The following TMIGD3 variants were observed in gnomAD, a reference collection of about 807,000 sequenced individuals.
The protein encoded by TMIGD3 is transmembrane and immunoglobulin domain containing 3.
TMIGD3 carries 21 observed loss-of-function variants against 28.1 expected under a neutral mutation model. That is an observed-to-expected ratio of 0.75 (90% CI 0.53 to 1.08). TMIGD3 has a LOEUF of 1.08. Ranked by LOEUF, TMIGD3 falls within the 50% of genes least tolerant of loss-of-function variation. TMIGD3 has a pLI of 0.00. For missense variants in TMIGD3, 416 were observed against 435.6 expected (o/e 0.96, Z 0.40); for synonymous variants, 151 against 162.1 (o/e 0.93, Z 0.52).
chr1:111,524,047 T>TGGGG (rs371004556), intron 1 of TMIGD3, among the ~76,000 whole-genome samples: 12,777 of 130,268 alleles, frequency 0.098, 698 homozygotes, highest in Middle Eastern at 0.2. Context: ...TTTTTTTTTT[T>TGGGG]GGGATGGAAT....
At chr1:111,535,497 A>G (rs1656609672) in intron 1 of TMIGD3, among the ~76,000 whole-genome samples, 1 of 152,248 alleles carries the variant, frequency 6.6e-6, no homozygotes, top group Non-Finnish European at 1.5e-5. Flanking sequence ...GGGGTAGTCT[A>G]CAAAATTAAA....
In TMIGD3 at chr1:111,563,960, A is replaced by G. The variant is rs752841719; in HGVS notation, c.-8T>C. 6.2e-6 allele frequency: 10 copies of G among 1,607,888 alleles called. No individual in the cohort carries two copies. In the South Asian group the frequency reaches 1.1e-4, roughly 18 times the overall value. The stretch of plus-strand genomic sequence containing the variant: ...TGCTGGAGACCCTTCCATTGGTCCA[A>G]CTGGTGGTCTCTACCAACTGCCACA... On this transcript the variant is annotated 5_prime_UTR_variant, in exon 1 of 6. Coordinates refer to the TMIGD3 transcript ENST00000369717.
chr1:111,525,386 A>G (rs1051045115), intron 1 of TMIGD3, among the ~76,000 whole-genome samples: 1 of 152,194 alleles, frequency 6.6e-6, no homozygotes, highest in African/African-American at 2.4e-5. Flanking sequence ...ACTAGGTCCT[A>G]TTGATGAATT....
chr1:111,518,003 C>T (rs746929565), intron 1 of TMIGD3, among the ~76,000 whole-genome samples: 4 of 152,100 alleles, frequency 2.6e-5, no homozygotes, highest in Non-Finnish European at 4.4e-5. Context: ...TCATTTTGTA[C>T]CCATTTTATA....
At chr1:111,540,955 AC>A (rs1277323631) in intron 1 of TMIGD3, among the ~76,000 whole-genome samples, 2 of 152,244 alleles carry the variant, frequency 1.3e-5, no homozygotes, top group Non-Finnish European at 2.9e-5. Context: ...CTATGGAACG[AC>A]GGTTGGCAAA....
At chr1:111,504,692 T>C (rs536043019), upstream of TMIGD3, among the ~76,000 whole-genome samples, 442 of 152,300 alleles carry the variant, frequency 2.9e-3, no homozygotes, top group African/African-American at 9.9e-3. Context: ...GTAACAACAA[T>C]GGCGTTCTGG....
Position 111,483,740 on chromosome 1 carries a change from G to T in TMIGD3, c.991C>A (p.Pro331Thr). The change falls in exon 6 of 6, where the codon CCC becomes ACC. Residue 331 changes from proline to threonine, a missense_variant. Coordinates refer to ENST00000369716, the MANE Select transcript of TMIGD3 (RefSeq NM_020683.7). ...TTTGGAGTCAGGACACGCGAGAAGG[G>T]CTTCAAAGTGTTGCCTACTTTGTTG... Reference protein sequence around the residue: ...RNRRVGNTLKPFSRVLTPKEM... With the variant: ...RNRRVGNTLKTFSRVLTPKEM... 1.2e-6 allele frequency: 2 copies of T among 1,613,978 alleles called. No homozygotes were observed. Among genetic ancestry groups the T allele is most frequent in the Non-Finnish European group, 1.7e-6 (2 of 1,179,858 alleles).
intron 1 of TMIGD3, among the ~76,000 whole-genome samples, chr1:111,561,987 T>TA (rs1557850933): frequency 6.6e-6 from 1 of 152,078 alleles, no homozygotes. Context: ...AATTTCTGCT[T>TA]ACGATAGAAT....
rs1571393020 is a variant in TMIGD3, at chr1:111,483,519, C to T, written c.*168G>A. The T allele has an allele frequency of 4.5e-6, 3 of 663,416 alleles. No homozygotes were observed. The highest frequency in any genetic ancestry group is 8.2e-6 in the Non-Finnish European group (3 of 366,778). 41.1% of individuals were successfully genotyped at this position (663,416 alleles called of 1,614,324 possible). On this transcript the variant is annotated 3_prime_UTR_variant, in exon 6 of 6. Transcript: ENST00000369716. ...TGCTTGGGTGTGGTCTATCATAGCT[C>T]CTCTGACTACCGCCGTTGCTACCTG...
chr1:111,526,009 T>A (rs1656249270), intron 1 of TMIGD3, among the ~76,000 whole-genome samples: 1 of 152,254 alleles, frequency 6.6e-6, no homozygotes, highest in African/African-American at 2.4e-5. Context: ...ATCTATCATC[T>A]GGCCATTTTT....
intron 1 of TMIGD3, among the ~76,000 whole-genome samples, chr1:111,538,811 G>T (rs1015243067): frequency 6.6e-6 from 1 of 152,174 alleles, no homozygotes; most frequent in Non-Finnish European, 1.5e-5. Context: ...TTGGGTTTTT[G>T]CCCAGTGGCC....
At chr1:111,504,479 C>T (rs963950531), upstream of TMIGD3, among the ~76,000 whole-genome samples, 4 of 152,190 alleles carry the variant, frequency 2.6e-5, no homozygotes, top group African/African-American at 9.6e-5. Flanking sequence ...CTTCTGGGAA[C>T]CAGACACTTG....
At chr1:111,525,640 A>G (rs1204637924) in intron 1 of TMIGD3, among the ~76,000 whole-genome samples, 1 of 152,202 alleles carries the variant, frequency 6.6e-6, no homozygotes, top group Non-Finnish European at 1.5e-5. Context: ...AGGCAGATGG[A>G]TCATTTGAGG....
intron 1 of TMIGD3, among the ~76,000 whole-genome samples, chr1:111,520,056 T>C (rs1488731086): frequency 1.3e-5 from 2 of 152,312 alleles, no homozygotes; most frequent in East Asian, 1.9e-4. Flanking sequence ...GTTAATATAC[T>C]GTACATTAGC....
chr1:111,488,652 G>C, intron 3 of TMIGD3, 25 bp downstream of exon 3: 1 of 1,596,766 alleles, frequency 6.3e-7, no homozygotes. Flanking sequence ...GTTACATCCA[G>C]CCAGACCCCA....
At chr1:111,539,687 T>G (rs1343377608) in intron 1 of TMIGD3, among the ~76,000 whole-genome samples, 1 of 152,140 alleles carries the variant, frequency 6.6e-6, no homozygotes. Flanking sequence ...ATCCCCCTAC[T>G]CCCAGTCTCC....
intron 1 of TMIGD3, among the ~76,000 whole-genome samples, chr1:111,562,538 A>T (rs1380101390): frequency 1.3e-5 from 2 of 152,218 alleles, no homozygotes; most frequent in Non-Finnish European, 2.9e-5. Context: ...GATGATTTGG[A>T]AGTGGAAAAT....
intron 1 of TMIGD3, among the ~76,000 whole-genome samples, chr1:111,551,839 C>T (rs933669247): frequency 1.3e-5 from 2 of 152,040 alleles, no homozygotes; most frequent in South Asian, 2.1e-4. Context: ...CTCAGCCGAG[C>T]GGTTTACAGT....
At chr1:111,500,058 G>A (rs1221032139) in intron 1 of TMIGD3, 1 of 1,614,230 alleles carries the variant, frequency 6.2e-7, no homozygotes, top group Non-Finnish European at 8.5e-7. Context: ...TTATTTTATA[G>A]GCATAGACGA....
Sources: gnomAD v4.1 joint callset for allele counts (sites outside exome capture counted in the v4.1 genomes callset) on GRCh38, gnomAD v4.1.1 for gene constraint, MANE v1.5 for transcripts, NCBI Gene and HGNC (gene_info 2026-07-23, HGNC 2026-07-21) for gene names.